LYPLAL1: variants seen among roughly 807,000 people sequenced by gnomAD.
The protein encoded by LYPLAL1 is lysophospholipase like 1.
In LYPLAL1, 23 loss-of-function variants were observed where a neutral mutation model predicts 19.7. The ratio of observed to expected loss-of-function variants is 1.17; its 90% CI spans 0.84 to 1.65. The LOEUF is 1.65. Among genes scored for constraint, LYPLAL1 ranks in the 40% most tolerant of loss-of-function variants. The pLI is 0.00. For missense variants in LYPLAL1, 355 were observed against 279.4 expected (o/e 1.27, Z -1.93); for synonymous variants, 119 against 96.3 (o/e 1.24, Z -1.38).
At chr1:219,276,819 G>A in the LYPLAL1 span, among the ~76,000 whole-genome samples, 1 of 152,078 alleles carries the variant, frequency 6.6e-6, no homozygotes, top group East Asian at 1.9e-4. Context: ...GACACATATG[G>A]GACACCGCAA....
intron 2 of LYPLAL1, among the ~76,000 whole-genome samples, chr1:219,182,846 A>G (rs1572158657): frequency 6.6e-6 from 1 of 152,046 alleles, no homozygotes; most frequent in Non-Finnish European, 1.5e-5. Flanking sequence ...TTCAGGGTTT[A>G]CCTGCCTGTT....
the LYPLAL1 span, among the ~76,000 whole-genome samples, chr1:219,294,529 TGACTC>T: frequency 6.6e-6 from 1 of 152,234 alleles, no homozygotes; most frequent in South Asian, 2.1e-4. Flanking sequence ...TTTGCCAGAC[TGACTC>T]ATCTAGTCAT....
the LYPLAL1 span, among the ~76,000 whole-genome samples, chr1:219,226,926 A>G: frequency 6.6e-6 from 1 of 152,200 alleles, no homozygotes; most frequent in Non-Finnish European, 1.5e-5. Flanking sequence ...GTTACTTGCA[A>G]AACCAATTCA....
At chr1:219,278,953 T>C in the LYPLAL1 span, among the ~76,000 whole-genome samples, 1 of 152,130 alleles carries the variant, frequency 6.6e-6, no homozygotes, top group Non-Finnish European at 1.5e-5. Flanking sequence ...CAAATATCCA[T>C]GGCAGTAGGG....
At chr1:219,330,627 A>G in the LYPLAL1 span, among the ~76,000 whole-genome samples, 1 of 152,240 alleles carries the variant, frequency 6.6e-6, no homozygotes. Context: ...TAAGCTAAAA[A>G]GAAGGCACCT....
the LYPLAL1 span, among the ~76,000 whole-genome samples, chr1:219,282,398 G>T: frequency 6.6e-6 from 1 of 151,296 alleles, no homozygotes; most frequent in Non-Finnish European, 1.5e-5. Context: ...AAAGAAAAGA[G>T]AGAAAATGAA....
chr1:219,316,332 G>A, the LYPLAL1 span, among the ~76,000 whole-genome samples: 1 of 152,102 alleles, frequency 6.6e-6, no homozygotes, highest in Non-Finnish European at 1.5e-5. Context: ...TTAATATGCT[G>A]TTGAATTTGG....
chr1:219,242,816 G>A, the LYPLAL1 span, among the ~76,000 whole-genome samples: 1 of 152,092 alleles, frequency 6.6e-6, no homozygotes, highest in Admixed American at 6.5e-5. Context: ...GCAAATAACA[G>A]TGGAAATTAA....
chr1:219,314,642 C>G, the LYPLAL1 span, among the ~76,000 whole-genome samples: 1 of 152,170 alleles, frequency 6.6e-6, no homozygotes, highest in Non-Finnish European at 1.5e-5. Context: ...GACGGGGTTT[C>G]ACCGTGGTCT....
chr1:219,424,196 C>G, the LYPLAL1 span, among the ~76,000 whole-genome samples: 2 of 151,978 alleles, frequency 1.3e-5, no homozygotes, highest in Non-Finnish European at 2.9e-5. Context: ...GAATTTCAAT[C>G]CAGTTAATTC....
chr1:219,374,136 A>AT, the LYPLAL1 span, among the ~76,000 whole-genome samples: 1,261 of 136,350 alleles, frequency 9.2e-3, 8 homozygotes, highest in African/African-American at 0.021. Context: ...TTTTGTGTGG[A>AT]TTTTTTTTTT....
the LYPLAL1 span, among the ~76,000 whole-genome samples, chr1:219,320,378 A>C: frequency 6.6e-6 from 1 of 152,036 alleles, no homozygotes; most frequent in Non-Finnish European, 1.5e-5. Context: ...GCAGCAATCC[A>C]ACTTCTTCTT....
chr1:219,244,186 C>T, the LYPLAL1 span, among the ~76,000 whole-genome samples: 6 of 152,114 alleles, frequency 3.9e-5, no homozygotes, highest in Middle Eastern at 3.4e-3. Context: ...GTGACCTTCA[C>T]GATGACATAG....
intron 3 of LYPLAL1, among the ~76,000 whole-genome samples, chr1:219,201,634 A>G (rs1658108538): frequency 6.6e-6 from 1 of 152,136 alleles, no homozygotes; most frequent in Non-Finnish European, 1.5e-5. Flanking sequence ...AGATGAGCTA[A>G]TTAATGTCTA....
At chr1:219,191,340 G>A (rs1657166677) in intron 2 of LYPLAL1, among the ~76,000 whole-genome samples, 1 of 151,456 alleles carries the variant, frequency 6.6e-6, no homozygotes, top group Admixed American at 6.6e-5. Flanking sequence ...CTAAAAGCTG[G>A]GTACCAAATT....
the LYPLAL1 span, among the ~76,000 whole-genome samples, chr1:219,388,353 A>G: frequency 1.3e-5 from 2 of 152,022 alleles, no homozygotes; most frequent in African/African-American, 4.8e-5. Flanking sequence ...AAGTCTCTCC[A>G]TGTTTTGGTT....
chr1:219,254,215 G>A, the LYPLAL1 span, among the ~76,000 whole-genome samples: 1 of 151,952 alleles, frequency 6.6e-6, no homozygotes, highest in South Asian at 2.1e-4. Context: ...ATACCAATGG[G>A]TCTTGCTTTT....
chr1:219,362,694 C>T, the LYPLAL1 span, among the ~76,000 whole-genome samples: 2 of 152,030 alleles, frequency 1.3e-5, no homozygotes, highest in South Asian at 2.1e-4. Flanking sequence ...ACAATGAAAG[C>T]CATGGTTGAA....
the LYPLAL1 span, among the ~76,000 whole-genome samples, chr1:219,381,410 A>T: frequency 6.6e-6 from 1 of 152,214 alleles, no homozygotes; most frequent in South Asian, 2.1e-4. Context: ...ACACAAGCCC[A>T]ATCAGCCCAT....
Sources: allele counts gnomAD v4.1 joint callset (sites outside exome capture counted in the v4.1 genomes callset), GRCh38; gene constraint gnomAD v4.1.1; transcripts MANE v1.5; gene names NCBI Gene and HGNC (gene_info 2026-07-23, HGNC 2026-07-21).